The following FAM118A variants were observed in gnomAD, a reference collection of about 807,000 sequenced individuals.
FAM118A encodes SIR2 antiphage like 2.
In FAM118A, 25 loss-of-function variants were observed where a neutral mutation model predicts 38.2. That is an observed-to-expected ratio of 0.65 (90% CI 0.48 to 0.91). The LOEUF (loss-of-function observed/expected upper bound fraction) is 0.91. Ranked by LOEUF, FAM118A falls within the 40% of genes least tolerant of loss-of-function variation. The pLI is 0.00. For missense variants in FAM118A, 425 were observed against 463.3 expected (o/e 0.92, Z 0.76); for synonymous variants, 178 against 184.1 (o/e 0.97, Z 0.27).
At chr22:45,328,586 C>A in intron 4 of FAM118A, 1 of 652,384 alleles carries the variant, frequency 1.5e-6, no homozygotes, top group Non-Finnish European at 2.8e-6. Context: ...GAGCTATGAT[C>A]ATGCCACTTA....
At position 45,333,032 on chromosome 22, in the gene FAM118A, C is replaced by T. The variant is rs540595504; in HGVS notation, c.937+322C>T. ...TGCTGGGATTACAGGCGAGAGCCAC[C>T]GCGCCCGGCCTGTCTTCACTTTTCA... On this transcript the variant is annotated intron_variant, in intron 6 of 8. Transcript: ENST00000441876. 9.2e-5 allele frequency among the ~76,000 whole-genome samples: 14 copies of T among 152,206 alleles called. No individual in the cohort carries two copies. The South Asian group carries it at 2.3e-3, about 25-fold the overall frequency.
At position 45,340,445 on chromosome 22, in the gene FAM118A, C is replaced by G; in HGVS notation, c.*40C>G. On this transcript the variant is annotated 3_prime_UTR_variant, in exon 9 of 9. Transcript: ENST00000441876. ...AACCTGCAACTTGAAAACTAGCCTTCTGTAACCACAGTGCCCAAACGAAGA... is the reference window on the plus strand; with the variant it reads ...AACCTGCAACTTGAAAACTAGCCTTGTGTAACCACAGTGCCCAAACGAAGA... 6.2e-7 allele frequency: 1 copy of G among 1,611,800 alleles called. No homozygotes were observed. Among genetic ancestry groups the G allele is most frequent in the Non-Finnish European group, 8.5e-7 (1 of 1,177,812 alleles).
chr22:45,339,881 C>G lies in FAM118A; in HGVS notation c.1055-505C>G, dbSNP rs559122674. Reference sequence around the variant, plus strand: ...GGGTTTTCTTCAATACCTGTGAGATCTGTGCTCCTAGACGCCATCACCTGC... The same window carrying G: ...GGGTTTTCTTCAATACCTGTGAGATGTGTGCTCCTAGACGCCATCACCTGC... On this transcript the variant is annotated intron_variant, in intron 8 of 8. Transcript: ENST00000441876. Among the ~76,000 whole-genome samples the G allele has an allele frequency of 2.0e-3, 299 of 152,280 alleles. 1 individual carries two copies. The highest frequency in any genetic ancestry group is 3.5e-3 in the Non-Finnish European group (241 of 68,022).
chr22:45,336,561 T>G (rs1012966926), intron 8 of FAM118A, 150 bp downstream of exon 8: 3 of 612,240 alleles, frequency 4.9e-6, no homozygotes, highest in African/African-American at 3.7e-5. Context: ...ACAGGAGGCT[T>G]ACTTAGCAGA....
chr22:45,336,456 T>G, intron 8 of FAM118A, 45 bp downstream of exon 8: 7 of 1,493,044 alleles, frequency 4.7e-6, no homozygotes, highest in Non-Finnish European at 6.5e-6. Context: ...CGGGTCTCTC[T>G]TGTTGGCAGG....
At chr22:45,337,591 A>G (rs1046699213) in intron 8 of FAM118A, among the ~76,000 whole-genome samples, 1 of 151,798 alleles carries the variant, frequency 6.6e-6, no homozygotes, top group African/African-American at 2.4e-5. Flanking sequence ...TCAGAACTGA[A>G]TAAGAAATTT....
intron 7 of FAM118A, among the ~76,000 whole-genome samples, chr22:45,336,067 A>C (rs2086071553): frequency 6.6e-6 from 1 of 152,204 alleles, no homozygotes; most frequent in Admixed American, 6.5e-5. Context: ...GTGGTGCAGG[A>C]AGTATGAAAC....
chr22:45,330,814 TC>T, intron 5 of FAM118A, 83 bp downstream of exon 5: 1 of 1,393,508 alleles, frequency 7.2e-7, no homozygotes, highest in East Asian at 2.7e-5. Context: ...TTGAGTGGCT[TC>T]CCAGGCTCCA....
At position 45,336,711 on chromosome 22, in the gene FAM118A, A is replaced by T. The variant is rs1240675327; in HGVS notation, c.1054+300A>T. 2.6e-5 allele frequency among the ~76,000 whole-genome samples: 4 copies of T among 152,248 alleles called. No individual in the cohort carries two copies. The East Asian group carries it at 7.7e-4, about 29-fold the overall frequency. On this transcript the variant is annotated intron_variant, in intron 8 of 8. Transcript: ENST00000441876. ...CTCTCCAAAAAGAAAAGTTAAAAAG[A>T]TGAATAAAAAGTGCACAAGTTACAT...
Position 45,323,380 on chromosome 22 carries a change from C to T in FAM118A, c.253C>T (p.Arg85Trp), listed in dbSNP as rs777058813. The stretch of plus-strand genomic sequence containing the variant: ...GTTCCGGAGGAAAGTGACAAAGGAC[C>T]GGGACCTGTTGGTTGTCGCCCATGA... ...AEFRRKVTKDRDLLVVAHDLI... is the reference protein window; with the variant it reads ...AEFRRKVTKDWDLLVVAHDLI... Residue 85 changes from arginine (R) to tryptophan (W), a missense_variant, in exon 3 of 9, where the codon CGG becomes TGG. Physicochemically the swap from Arg to Trp is moderately radical, Grantham distance 101. Transcript: ENST00000441876. 71 of 1,614,006 alleles carry T rather than the reference C, an allele frequency of 4.4e-5. No homozygotes were observed. Among genetic ancestry groups the T allele is most frequent in the African/African-American group, 3.1e-4 (23 of 74,898 alleles).
intron 1 of FAM118A, chr22:45,318,817 C>G (rs1004159069): frequency 2.6e-5 from 4 of 152,100 alleles, no homozygotes; most frequent in Non-Finnish European, 5.9e-5. Context: ...GGCCCATCTG[C>G]CTATTGAGGT....
Position 45,341,845 on chromosome 22 carries a change from G to C in FAM118A, c.*1440G>C, listed in dbSNP as rs1437949552. 6.6e-6 allele frequency: 1 copy of C among 152,274 alleles called. No homozygotes were observed. The highest frequency in any genetic ancestry group is 1.9e-4 in the East Asian group (1 of 5,188). The allele number at this position is 152,274 out of a possible 1,614,324, so 9.4% of individuals were successfully genotyped here. A position where few individuals can be genotyped will look rare whatever the true frequency, so the allele number is the denominator to read the frequency against. On this transcript the variant is annotated 3_prime_UTR_variant, in exon 9 of 9. Coordinates refer to ENST00000441876, the MANE Select transcript of FAM118A (RefSeq NM_017911.4). ...TAAAGTTAAGAACAGGAAACAGAAG[G>C]GTAGGATGCATAGGGAGGGAGAGAA...
chr22:45,319,244 C>T (rs538820608), intron 1 of FAM118A, among the ~76,000 whole-genome samples: 5 of 152,104 alleles, frequency 3.3e-5, no homozygotes, highest in South Asian at 2.1e-4. Flanking sequence ...TTGACCAGTG[C>T]GTGTTTAAAA....
rs1431706548 is a variant in FAM118A at position 45,309,988 on chromosome 22, CCGCTCTGGCTCCGACTCCGGCTCT to C, written c.-198_-175del. On this transcript the variant is annotated 5_prime_UTR_variant, in exon 1 of 9. Transcript: ENST00000441876. ...GGGGCGCCTGGAGGCGGCGTGGCGT[CCGCTCTGGCTCCGACTCCGGCTCT>C]CGCTCTCGCTTCTAGCCCGCGTGCC... 2.0e-5 allele frequency: 3 copies of C among 152,302 alleles called. No individual in the cohort carries two copies. Among genetic ancestry groups the C allele is most frequent in the Non-Finnish European group, 4.4e-5 (3 of 68,126 alleles). 9.4% of individuals were successfully genotyped at this position (152,302 alleles called of 1,614,324 possible). A position where few individuals can be genotyped will look rare whatever the true frequency, so the allele number is the denominator to read the frequency against.
chr22:45,325,287 C>G (rs1010130681), intron 3 of FAM118A, among the ~76,000 whole-genome samples: 1 of 152,146 alleles, frequency 6.6e-6, no homozygotes, highest in Non-Finnish European at 1.5e-5. Flanking sequence ...TTGAAAACCT[C>G]CATCAGGAAG....
chr22:45,340,107 CA>C (rs1208907804), intron 8 of FAM118A, among the ~76,000 whole-genome samples: 1 of 152,256 alleles, frequency 6.6e-6, no homozygotes, highest in African/African-American at 2.4e-5. Flanking sequence ...GCCCCATCCT[CA>C]GTCCACTAAG....
At chr22:45,319,232 G>A (rs1285925016) in intron 1 of FAM118A, among the ~76,000 whole-genome samples, 1 of 152,178 alleles carries the variant, frequency 6.6e-6, no homozygotes, top group Non-Finnish European at 1.5e-5. Context: ...TTACGTCACT[G>A]GTTGACCAGT....
chr22:45,340,811 T>C lies in FAM118A; in HGVS notation c.*406T>C. 5.0e-6 allele frequency: 1 copy of C among 198,324 alleles called. No homozygotes were observed. Among genetic ancestry groups the C allele is most frequent in the Non-Finnish European group, 1.0e-5 (1 of 97,102 alleles). The allele number at this position is 198,324 out of a possible 1,614,324, so 12.3% of individuals were successfully genotyped here. On this transcript the variant is annotated 3_prime_UTR_variant, in exon 9 of 9. Coordinates refer to ENST00000441876, the MANE Select transcript of FAM118A (RefSeq NM_017911.4). ...AAGAGAAAATACGAAATAGACACTTTTTTTTTTTGAGTCAGAGTCTCACTC... is the reference window on the plus strand; with the variant it reads ...AAGAGAAAATACGAAATAGACACTTCTTTTTTTTGAGTCAGAGTCTCACTC...
intron 8 of FAM118A, 110 bp downstream of exon 8, chr22:45,336,521 G>C: frequency 1.3e-6 from 1 of 767,008 alleles, no homozygotes; most frequent in Non-Finnish European, 2.2e-6. Flanking sequence ...GTGGGAGGAC[G>C]GTGCATACGT....
Sources: gnomAD v4.1 joint callset for allele counts (sites outside exome capture counted in the v4.1 genomes callset) on GRCh38, gnomAD v4.1.1 for gene constraint, MANE v1.5 for transcripts, NCBI Gene and HGNC (gene_info 2026-07-23, HGNC 2026-07-21) for gene names.